ICA1: variants seen among roughly 807,000 people sequenced by gnomAD.
The protein encoded by ICA1 is islet cell autoantigen 1, also known as 69 kDa islet cell autoantigen.
In ICA1, 40 loss-of-function variants were observed where a neutral mutation model predicts 71.0. The observed-to-expected ratio is 0.56, with a 90% CI of 0.44 to 0.73. The LOEUF is 0.73. ICA1 is among the 30% of genes least tolerant of loss of function. ICA1 has a pLI of 0.00. For missense variants in ICA1, 578 were observed against 576.5 expected (o/e 1.00, Z -0.03); for synonymous variants, 207 against 209.5 (o/e 0.99, Z 0.10).
intron 13 of ICA1, chr7:8,114,264 T>C: frequency 1.8e-6 from 1 of 551,566 alleles, no homozygotes; most frequent in Non-Finnish European, 3.2e-6. Flanking sequence ...AATAACAAGC[T>C]CTTGTGTTAA....
At chr7:8,246,144 T>A (rs1264498614) in intron 1 of ICA1, among the ~76,000 whole-genome samples, 3 of 152,212 alleles carry the variant, frequency 2.0e-5, no homozygotes, top group Non-Finnish European at 4.4e-5. Context: ...CTTGTGGTCA[T>A]CTTACCTTGG....
In ICA1 at chr7:8,128,103, C is replaced by T. The variant is rs1291261598; in HGVS notation, c.1100G>A (p.Gly367Asp). 6.2e-7 allele frequency: 1 copy of T among 1,614,210 alleles called. No individual in the cohort carries two copies. Among genetic ancestry groups the T allele is most frequent in the Non-Finnish European group, 8.5e-7 (1 of 1,180,036 alleles). Residue 367 changes from glycine (G) to aspartate (D), a missense_variant, in exon 13 of 14, where the codon GGT becomes GAT. Gly to Asp is a moderately conservative substitution (Grantham distance 94). Transcript: ENST00000402384. ...CAGCAGCAGGTCATCTTTGTCAGCA[C>T]CTTCAGGTTCCGGGGTCCCTGCCAC... The part of the protein sequence containing the change: ...GPVAGTPEPE[G>D]ADKDDLLLLS...
chr7:8,195,681 T>C (rs1317663678), intron 6 of ICA1, among the ~76,000 whole-genome samples: 1 of 152,068 alleles, frequency 6.6e-6, no homozygotes, highest in Non-Finnish European at 1.5e-5. Flanking sequence ...GGTGTCCACC[T>C]GGAGTTAAAA....
chr7:8,152,228 C>T (rs1799059607), intron 8 of ICA1, among the ~76,000 whole-genome samples: 1 of 151,984 alleles, frequency 6.6e-6, no homozygotes, highest in Non-Finnish European at 1.5e-5. Flanking sequence ...GACCTCCTGT[C>T]CCACTGCAAT....
chr7:8,206,567 C>T (rs1791603893), intron 6 of ICA1, among the ~76,000 whole-genome samples: 1 of 151,870 alleles, frequency 6.6e-6, no homozygotes, highest in Non-Finnish European at 1.5e-5. Context: ...TAATGGGTAA[C>T]CCGTGCACAT....
At chr7:8,213,865 A>G (rs1794604076) in intron 6 of ICA1, among the ~76,000 whole-genome samples, 1 of 145,642 alleles carries the variant, frequency 6.9e-6, no homozygotes, top group South Asian at 2.2e-4. Context: ...TGATAATATG[A>G]TTAGTGCATG....
intron 13 of ICA1, chr7:8,116,188 G>C (rs1784740304): frequency 6.6e-6 from 1 of 152,220 alleles, no homozygotes. Flanking sequence ...TAGGCCACTG[G>C]AAAGGAAGGC....
chr7:8,211,506 A>G (rs1444795231), intron 6 of ICA1, among the ~76,000 whole-genome samples: 1 of 147,068 alleles, frequency 6.8e-6, no homozygotes, highest in Non-Finnish European at 1.5e-5. Flanking sequence ...CCTGGATTTC[A>G]TTTGTTCATA....
intron 5 of ICA1, among the ~76,000 whole-genome samples, chr7:8,220,437 G>A (rs1251695060): frequency 6.6e-6 from 1 of 152,106 alleles, no homozygotes; most frequent in African/African-American, 2.4e-5. Context: ...AGAAAATGTT[G>A]GACAATTTGA....
intron 13 of ICA1, among the ~76,000 whole-genome samples, chr7:8,121,765 T>C (rs1034819975): frequency 6.6e-6 from 1 of 152,198 alleles, no homozygotes; most frequent in African/African-American, 2.4e-5. Context: ...AATTGGAATG[T>C]GTGTAACACC....
At position 8,176,674 on chromosome 7, in the gene ICA1, C is replaced by T. The variant is rs774489469; in HGVS notation, c.580-18022G>A. ...TTGCTTTTCCCACTACATAGTACTG[C>T]TCTTCAACAGGGCACAACATGCTCT... On this transcript the variant is annotated intron_variant, in intron 6 of 13. Coordinates refer to ENST00000402384, the MANE Select transcript of ICA1 (RefSeq NM_001136020.3). 3.0e-4 allele frequency among the ~76,000 whole-genome samples: 46 copies of T among 152,328 alleles called. 1 individual carries two copies. Among genetic ancestry groups the T allele is most frequent in the Middle Eastern group, 3.4e-3 (1 of 294 alleles).
chr7:8,142,680 A>G (rs1795632111), intron 9 of ICA1, among the ~76,000 whole-genome samples: 1 of 152,248 alleles, frequency 6.6e-6, no homozygotes. Context: ...ATGACAAGGA[A>G]AATCCCAGCC....
Position 8,140,266 on chromosome 7 carries a change from T to C in ICA1, c.956-1219A>G, listed in dbSNP as rs555855838. On this transcript the variant is annotated intron_variant, in intron 10 of 13. Coordinates refer to ENST00000402384, the MANE Select transcript of ICA1 (RefSeq NM_001136020.3). The stretch of plus-strand genomic sequence containing the variant: ...TGCATCCATATAGACAGAGAGCTCT[T>C]CTGTGGCCAACAAGAGCAGGCCCAG... Among the ~76,000 whole-genome samples, 3 of 152,266 alleles carry C rather than the reference T, an allele frequency of 2.0e-5. 1 individual carries two copies. Among genetic ancestry groups the C allele is most frequent in the African/African-American group, 7.2e-5 (3 of 41,554 alleles).
chr7:8,178,263 C>T (rs968615937), intron 6 of ICA1, among the ~76,000 whole-genome samples: 22 of 152,132 alleles, frequency 1.4e-4, no homozygotes, highest in African/African-American at 4.8e-4. Flanking sequence ...TATCTTGATT[C>T]CCAAAGTCTG....
chr7:8,230,360 T>G (rs1583520532), intron 3 of ICA1, among the ~76,000 whole-genome samples: 1 of 152,362 alleles, frequency 6.6e-6, no homozygotes, highest in East Asian at 1.9e-4. Flanking sequence ...CTTCTTGGTT[T>G]ATAAGTTAGC....
At chr7:8,166,088 C>T (rs376885085) in intron 6 of ICA1, among the ~76,000 whole-genome samples, 1 of 152,176 alleles carries the variant, frequency 6.6e-6, no homozygotes, top group Non-Finnish European at 1.5e-5. Context: ...ACGAACAAAG[C>T]AGTAGGTATC....
rs537829359 is a variant in ICA1, at chr7:8,133,406, G to T, written c.1061-5264C>A. Among the ~76,000 whole-genome samples, 289 of 152,290 alleles carry T rather than the reference G, an allele frequency of 1.9e-3. 1 individual carries two copies. Among genetic ancestry groups the T allele is most frequent in the African/African-American group, 6.5e-3 (270 of 41,540 alleles). ...TGCCTTCTGAGTAGCTGGGACTACA[G>T]GCACATGCCACCATGCCTGGCTAAC... is the stretch of plus-strand genomic sequence containing the variant. On this transcript the variant is annotated intron_variant, in intron 12 of 13. Coordinates refer to ENST00000402384, the MANE Select transcript of ICA1 (RefSeq NM_001136020.3).
At chr7:8,152,856 TC>T (rs1404476629) in intron 8 of ICA1, among the ~76,000 whole-genome samples, 1 of 45,148 alleles carries the variant, frequency 2.2e-5, no homozygotes, top group Non-Finnish European at 4.3e-5. Context: ...CACCATCACC[TC>T]CTCCGCCACC....
chr7:8,232,867 C>A, intron 2 of ICA1, 112 bp from the exon 3 acceptor site: 1 of 901,372 alleles, frequency 1.1e-6, no homozygotes, highest in Non-Finnish European at 1.6e-6. Context: ...ACATTTACAA[C>A]ATTGATAAAC....
Sources: allele counts gnomAD v4.1 joint callset (sites outside exome capture counted in the v4.1 genomes callset), GRCh38; gene constraint gnomAD v4.1.1; transcripts MANE v1.5; gene names NCBI Gene and HGNC (gene_info 2026-07-23, HGNC 2026-07-21).